The following XPO6 variants were observed in gnomAD, a reference collection of about 807,000 sequenced individuals.
XPO6 encodes the protein exportin-6.
In XPO6, 3 loss-of-function variants were observed where a neutral mutation model predicts 130.0. The ratio of observed to expected loss-of-function variants is 0.02; its 90% CI spans 0.01 to 0.06. XPO6 has a LOEUF of 0.06. Ranked by LOEUF, XPO6 falls within the 10% of genes least tolerant of loss-of-function variation. XPO6 has a pLI of 1.00. For synonymous variants in XPO6, 524 were observed against 548.9 expected (o/e 0.95, Z 0.63); for missense variants, 970 against 1,393.0 (o/e 0.70, Z 4.83).
chr16:28,175,385 C>T (rs995008192), intron 4 of XPO6, among the ~76,000 whole-genome samples: 44 of 152,158 alleles, frequency 2.9e-4, no homozygotes, highest in African/African-American at 1.1e-3. Context: ...CTACGAATTG[C>T]ACAATGGAAC....
intron 15 of XPO6, among the ~76,000 whole-genome samples, chr16:28,115,571 C>T (rs553200067): frequency 6.6e-6 from 1 of 152,296 alleles, no homozygotes; most frequent in East Asian, 1.9e-4. Context: ...TAGAGACAGG[C>T]AAAGTAGATT....
In XPO6 at chr16:28,132,936, C is replaced by T. The variant is rs1311659421; in HGVS notation, c.1537-533G>A. Among the ~76,000 whole-genome samples the T allele has an allele frequency of 6.6e-6, 1 of 152,210 alleles. No individual in the cohort carries two copies. Among genetic ancestry groups the T allele is most frequent in the Non-Finnish European group, 1.5e-5 (1 of 68,042 alleles). On this transcript the variant is annotated intron_variant, in intron 11 of 23. Transcript: ENST00000304658. This position sits in a 1 kb window ranked among gnomAD's most constrained non-coding sequence, Gnocchi z 4.0. ...TGCATCTTTCTTTCTCAAGCTGCTA[C>T]ACTCACCAGTAAGATTAAAACGTGA... is the stretch of plus-strand genomic sequence containing the variant.
chr16:28,156,227 C>G lies in XPO6; in HGVS notation c.944G>C (p.Cys315Ser), dbSNP rs2043182076. The change falls in exon 7 of 24, where the codon TGC becomes TCC. Residue 315 changes from cysteine to serine, a missense_variant. Physicochemically the swap from Cys to Ser is moderately radical, Grantham distance 112. This residue lies in a region of XPO6 where 936 missense variants were observed against 1,306.8 expected (regional missense o/e 0.72). Transcript: ENST00000304658. ...RGRLGVLAMS[C>S]INELMSKNCV... ...GTTCTTGGACATGAGTTCATTGATG[C>G]AGGACATGGCCAGGACCCCCAGCCG... 1 of 1,614,146 alleles carries G rather than the reference C, an allele frequency of 6.2e-7. No homozygotes were observed. The highest frequency in any genetic ancestry group is 1.1e-5 in the South Asian group (1 of 91,084).
rs377224503 is a variant in XPO6 at position 28,141,195 on chromosome 16, C to T, written c.1334+4899G>A. Among the ~76,000 whole-genome samples, 5 of 152,342 alleles carry T rather than the reference C, an allele frequency of 3.3e-5. No individual in the cohort carries two copies. In the South Asian group the frequency reaches 1.0e-3, roughly 32 times the overall value. On this transcript the variant is annotated intron_variant, in intron 9 of 23. Coordinates refer to ENST00000304658, the MANE Select transcript of XPO6 (RefSeq NM_015171.4). ...CACTCACATTTGTTTACAGTCCTATCTAATGTCACCAGAATCCCTACGTTG... is the reference window on the plus strand; with the variant it reads ...CACTCACATTTGTTTACAGTCCTATTTAATGTCACCAGAATCCCTACGTTG...
chr16:28,173,947 C>T (rs951161364), intron 4 of XPO6, among the ~76,000 whole-genome samples: 2 of 152,126 alleles, frequency 1.3e-5, no homozygotes, highest in African/African-American at 4.8e-5. Flanking sequence ...TGTGACTCTC[C>T]GTCTCAAGGT....
At chr16:28,189,207 A>T (rs916466252) in intron 1 of XPO6, among the ~76,000 whole-genome samples, 2 of 151,728 alleles carry the variant, frequency 1.3e-5, no homozygotes, top group African/African-American at 4.9e-5. Flanking sequence ...CAGCCTCCAA[A>T]AGTGCTGGGA....
chr16:28,106,742 C>T lies in XPO6; in HGVS notation c.2498-245G>A, dbSNP rs1161580834. ...GCTCACTACAGGAAATGAAGGTCAT[C>T]TCGAACCCTCCCTCATTGCCCGACA... is the stretch of plus-strand genomic sequence containing the variant. On this transcript the variant is annotated intron_variant, in intron 18 of 23. Coordinates refer to ENST00000304658, the MANE Select transcript of XPO6 (RefSeq NM_015171.4). The surrounding 1 kb of genome is among the most constrained non-coding windows in gnomAD (Gnocchi z 4.2). Among the ~76,000 whole-genome samples, 2 of 152,210 alleles carry T rather than the reference C, an allele frequency of 1.3e-5. No individual in the cohort carries two copies. Among genetic ancestry groups the T allele is most frequent in the Non-Finnish European group, 2.9e-5 (2 of 68,032 alleles).
In XPO6 at chr16:28,103,804, C is replaced by T. The variant is rs183375030; in HGVS notation, c.2946+742G>A. Among the ~76,000 whole-genome samples the T allele has an allele frequency of 1.4e-4, 21 of 152,270 alleles. No individual in the cohort carries two copies. In the East Asian group the frequency reaches 2.5e-3, roughly 18 times the overall value. On this transcript the variant is annotated intron_variant, in intron 21 of 23. Transcript: ENST00000304658. ...ATGTGTGTGTGTGCGCGCGCATGCG[C>T]ACGTGCATGCCTGTGTGCATGCTGT...
chr16:28,144,374 T>C (rs1262232960), intron 9 of XPO6, among the ~76,000 whole-genome samples: 3 of 152,206 alleles, frequency 2.0e-5, no homozygotes, highest in Non-Finnish European at 4.4e-5. Context: ...TAATTTTCAA[T>C]AGAGACAGAG....
At chr16:28,115,391 A>G (rs245744) in intron 15 of XPO6, among the ~76,000 whole-genome samples, 8,169 of 152,320 alleles carry the variant, frequency 0.054, 562 homozygotes, top group East Asian at 0.17. Flanking sequence ...ATGGAAACTA[A>G]TATCTTTGAA....
chr16:28,105,878 C>T (rs1307020303), intron 20 of XPO6, 165 bp downstream of exon 20: 1 of 1,010,174 alleles, frequency 9.9e-7, no homozygotes, highest in Non-Finnish European at 1.4e-6. Flanking sequence ...AATATAAAAA[C>T]ACTGTACCAC....
At position 28,181,150 on chromosome 16, in the gene XPO6, A is replaced by C. The variant is rs2043608208; in HGVS notation, c.4-119T>G. 14 of 731,544 alleles carry C rather than the reference A, an allele frequency of 1.9e-5. No individual in the cohort carries two copies. In the South Asian group the frequency reaches 2.6e-4, roughly 13 times the overall value. 45.3% of individuals were successfully genotyped at this position (731,544 alleles called of 1,614,324 possible). On this transcript the variant is annotated intron_variant, in intron 1 of 23. Coordinates refer to ENST00000304658, the MANE Select transcript of XPO6 (RefSeq NM_015171.4). ...TTTACTTCCTCAAAATCTTGGTTCA[A>C]CATTCTTCAAATGCATGGTATATGC...
chr16:28,121,572 A>AT (rs2087239090), intron 14 of XPO6, 98 bp downstream of exon 14: 2 of 910,764 alleles, frequency 2.2e-6, no homozygotes, highest in African/African-American at 3.3e-5. Flanking sequence ...TCCCTGATTC[A>AT]TGGCAGCCAC....
intron 1 of XPO6, among the ~76,000 whole-genome samples, chr16:28,181,925 A>G (rs779148923): frequency 5.9e-5 from 9 of 152,150 alleles, no homozygotes; most frequent in Middle Eastern, 3.4e-3. Context: ...TGGGGTTCAT[A>G]TGGAGCCCCA....
chr16:28,156,305 A>G lies in XPO6; in HGVS notation c.866T>C (p.Met289Thr), dbSNP rs1417943478. 1.2e-6 allele frequency: 2 copies of G among 1,613,986 alleles called. No homozygotes were observed. The highest frequency in any genetic ancestry group is 2.7e-5 in the African/African-American group (2 of 74,900). The change falls in exon 7 of 24, where the codon ATG becomes ACG. Residue 289 changes from methionine (M) to threonine (T), a missense_variant. Around this residue, in one of 4 missense-constraint regions of XPO6, gnomAD observed 936 missense variants for 1,306.8 expected, o/e 0.72. Transcript: ENST00000304658. ...RFGCDIRARK[M>T]ASVNGSSQNC... ...CTGGCTGCTGCCGTTAACTGACGCC[A>G]TCTTTCTGGCCCGGATGTCACAGCC...
rs781393626 is a variant in XPO6, at chr16:28,106,106, G to A, written c.2721C>T (p.Phe907=). 5.6e-6 allele frequency: 9 copies of A among 1,614,206 alleles called. No individual in the cohort carries two copies. Among genetic ancestry groups the A allele is most frequent in the Non-Finnish European group, 7.6e-6 (9 of 1,180,038 alleles). Residue 907 remains phenylalanine, a synonymous_variant, in exon 20 of 24, where the codon TTC becomes TTT. Transcript: ENST00000304658. The surrounding 1 kb of genome is among the most constrained non-coding windows in gnomAD (Gnocchi z 4.2). ...QVVVQEPGQV[F]KPFLPSIIAL... ...CGATGATGCTGGGGAGGAAGGGCTT[G>A]AACACCTGGCCTGGCTCCTGGACCA... is the stretch of plus-strand genomic sequence containing the variant.
At chr16:28,130,435 GTTAT>G (rs1473764329) in intron 12 of XPO6, among the ~76,000 whole-genome samples, 1 of 152,240 alleles carries the variant, frequency 6.6e-6, no homozygotes, top group Non-Finnish European at 1.5e-5. Flanking sequence ...TGGCATGGAG[GTTAT>G]TTGAGGGGGT....
intron 1 of XPO6, among the ~76,000 whole-genome samples, chr16:28,200,409 C>G (rs901925741): frequency 2.0e-5 from 3 of 152,126 alleles, no homozygotes; most frequent in African/African-American, 4.8e-5. Context: ...AGAAATCAAG[C>G]AATCTTCCTT....
chr16:28,200,900 G>A (rs931304795), intron 1 of XPO6, among the ~76,000 whole-genome samples: 8 of 152,004 alleles, frequency 5.3e-5, no homozygotes, highest in African/African-American at 1.5e-4. Context: ...GCCCCTTAAC[G>A]ACGACTAGCA....
Sources: gnomAD v4.1 joint callset for allele counts (sites outside exome capture counted in the v4.1 genomes callset) on GRCh38, gnomAD v4.1.1 for gene constraint, gnomAD v4.1.1 regional missense constraint, Gnocchi (gnomAD v3.1) non-coding constraint, MANE v1.5 for transcripts, NCBI Gene and HGNC (gene_info 2026-07-23, HGNC 2026-07-21) for gene names.